Variants in GRM8 observed in about 807,000 individuals in gnomAD.
GRM8 encodes glutamate metabotropic receptor 8.
Under a neutral mutation model 87.2 loss-of-function variants are expected in GRM8, and 47 were observed. The ratio of observed to expected loss-of-function variants is 0.54; its 90% CI spans 0.43 to 0.69. The LOEUF (loss-of-function observed/expected upper bound fraction) is 0.69. GRM8 is among the 30% of genes least tolerant of loss of function. The pLI, the probability that GRM8 is intolerant of heterozygous loss-of-function variation, is 0.00. For synonymous variants in GRM8, 396 were observed against 404.5 expected (o/e 0.98, Z 0.25); for missense variants, 1,019 against 1,139.2 (o/e 0.89, Z 1.52).
intron 2 of GRM8, among the ~76,000 whole-genome samples, chr7:127,170,051 A>C (rs1793699282): frequency 6.6e-6 from 1 of 152,198 alleles, no homozygotes; most frequent in African/African-American, 2.4e-5. Flanking sequence ...TCTTATTGTT[A>C]AGAAATATAT....
chr7:126,651,198 T>C (rs1162517684), intron 7 of GRM8, among the ~76,000 whole-genome samples: 2 of 152,196 alleles, frequency 1.3e-5, no homozygotes, highest in African/African-American at 4.8e-5. Context: ...CCACACAGCA[T>C]TGCCTCTGAC....
chr7:126,543,980 A>G (rs2150904232), intron 8 of GRM8, among the ~76,000 whole-genome samples: 1 of 152,314 alleles, frequency 6.6e-6, no homozygotes, highest in East Asian at 1.9e-4. Context: ...TTGAAAATTT[A>G]GGGGCCTTGG....
chr7:126,715,082 C>T (rs1285728737), intron 7 of GRM8, among the ~76,000 whole-genome samples: 1 of 152,172 alleles, frequency 6.6e-6, no homozygotes, highest in Non-Finnish European at 1.5e-5. Flanking sequence ...TTCTCTGTTT[C>T]TTGGGAGCAC....
chr7:126,965,364 A>G (rs1426082177), intron 3 of GRM8, among the ~76,000 whole-genome samples: 1 of 152,172 alleles, frequency 6.6e-6, no homozygotes, highest in Non-Finnish European at 1.5e-5. Context: ...AGACACTATC[A>G]ATTAATTGGT....
At chr7:126,544,028 T>C (rs1816846373) in intron 8 of GRM8, among the ~76,000 whole-genome samples, 1 of 152,224 alleles carries the variant, frequency 6.6e-6, no homozygotes, top group Non-Finnish European at 1.5e-5. Flanking sequence ...AAGTCTCTCT[T>C]ATCTACTTTG....
chr7:126,802,426 A>G (rs1822817840), intron 6 of GRM8, among the ~76,000 whole-genome samples: 1 of 152,178 alleles, frequency 6.6e-6, no homozygotes, highest in Non-Finnish European at 1.5e-5. Flanking sequence ...GAGATTGTTC[A>G]GTATTTGTCT....
intron 6 of GRM8, among the ~76,000 whole-genome samples, chr7:126,894,056 T>A (rs1801312673): frequency 6.6e-6 from 1 of 152,040 alleles, no homozygotes; most frequent in Non-Finnish European, 1.5e-5. Flanking sequence ...TGAAATATAG[T>A]CTCCTGTATT....
chr7:127,051,942 C>T (rs1207127113), intron 3 of GRM8, among the ~76,000 whole-genome samples: 1 of 152,012 alleles, frequency 6.6e-6, no homozygotes, highest in Non-Finnish European at 1.5e-5. Flanking sequence ...GATGTGTATT[C>T]ATGGGGCTTT....
At position 127,076,513 on chromosome 7, in the gene GRM8, A is replaced by T. The variant is rs17869420; in HGVS notation, c.727+29983T>A. Among the ~76,000 whole-genome samples, 151 of 152,324 alleles carry T rather than the reference A, an allele frequency of 9.9e-4. No individual in the cohort carries two copies. The East Asian group carries it at 0.022, about 22-fold the overall frequency. On this transcript the variant is annotated intron_variant, in intron 3 of 10. Transcript: ENST00000339582. The stretch of plus-strand genomic sequence containing the variant: ...AGCTGCTCAGGAGGATTAGCGCCTG[A>T]CGTGGAAGTGGTTTCCCATTCTTCT...
intron 7 of GRM8, among the ~76,000 whole-genome samples, chr7:126,766,801 C>T (rs1818249015): frequency 6.6e-6 from 1 of 152,134 alleles, no homozygotes. Flanking sequence ...GGTGGGTCAG[C>T]TGTCCCACCA....
intron 3 of GRM8, among the ~76,000 whole-genome samples, chr7:126,953,407 T>G (rs1232766411): frequency 1.3e-5 from 2 of 152,128 alleles, no homozygotes; most frequent in African/African-American, 4.8e-5. Flanking sequence ...ACCGTGGCCT[T>G]AAAAAGCTTT....
intron 2 of GRM8, among the ~76,000 whole-genome samples, chr7:127,203,550 A>T (rs2116575736): frequency 6.6e-6 from 1 of 152,176 alleles, no homozygotes; most frequent in African/African-American, 2.4e-5. Flanking sequence ...TACACTAAAA[A>T]TACAAAAATT....
At chr7:126,447,043 T>G (rs575312783) in intron 9 of GRM8, 1 of 152,208 alleles carries the variant, frequency 6.6e-6, no homozygotes, top group East Asian at 2.0e-4. Context: ...ATATATGCAC[T>G]GGGATATGGT....
chr7:126,504,166 G>A (rs554704343), intron 9 of GRM8, among the ~76,000 whole-genome samples: 86 of 151,998 alleles, frequency 5.7e-4, no homozygotes, highest in African/African-American at 1.9e-3. Flanking sequence ...AAATGTACAC[G>A]TGATTTACAG....
intron 2 of GRM8, among the ~76,000 whole-genome samples, chr7:127,148,357 A>G (rs1368454112): frequency 6.6e-6 from 1 of 152,000 alleles, no homozygotes; most frequent in Non-Finnish European, 1.5e-5. Context: ...GGAAATAGAT[A>G]GCAATACAAT....
rs143127384 is a variant in GRM8 at position 126,995,430 on chromosome 7, C to A, written c.728-90747G>T. Reference sequence around the variant, plus strand: ...CTTTCAGGCAGAGAATTCAAAATAGCTCTTTCGAGGAAACTCAAAGAAATT... The same window carrying A: ...CTTTCAGGCAGAGAATTCAAAATAGATCTTTCGAGGAAACTCAAAGAAATT... On this transcript the variant is annotated intron_variant, in intron 3 of 10. Transcript: ENST00000339582. Among the ~76,000 whole-genome samples, 427 of 152,322 alleles carry A rather than the reference C, an allele frequency of 2.8e-3. 8 individuals carry two copies. The South Asian group carries it at 0.038, about 14-fold the overall frequency.
intron 6 of GRM8, among the ~76,000 whole-genome samples, chr7:126,794,336 G>C (rs1215866915): frequency 6.6e-6 from 1 of 152,040 alleles, no homozygotes; most frequent in Non-Finnish European, 1.5e-5. Flanking sequence ...GCAATTCCCA[G>C]GTTTAGTGTC....
chr7:126,535,662 A>G (rs897510003), intron 8 of GRM8, among the ~76,000 whole-genome samples: 4 of 152,226 alleles, frequency 2.6e-5, no homozygotes, highest in African/African-American at 9.6e-5. Context: ...AAGAGGCTGT[A>G]ACTGCCATGG....
At chr7:126,762,831 G>T (rs964000038) in intron 7 of GRM8, among the ~76,000 whole-genome samples, 3 of 151,620 alleles carry the variant, frequency 2.0e-5, no homozygotes, top group Non-Finnish European at 4.4e-5. Context: ...ATAAGAATTT[G>T]ATATGTACCA....
Sources: gnomAD v4.1 joint callset for allele counts (sites outside exome capture counted in the v4.1 genomes callset) on GRCh38, gnomAD v4.1.1 for gene constraint, MANE v1.5 for transcripts, NCBI Gene and HGNC (gene_info 2026-07-23, HGNC 2026-07-21) for gene names.